Variants in DCC observed in about 807,000 individuals in gnomAD.
The protein encoded by DCC is netrin receptor DCC.
Under a neutral mutation model 172.5 loss-of-function variants are expected in DCC, and 58 were observed. The observed-to-expected ratio is 0.34, with a 90% CI of 0.27 to 0.42. The LOEUF is 0.42. Ranked by LOEUF, DCC falls within the 10% of genes least tolerant of loss-of-function variation. The pLI, the probability that DCC is intolerant of heterozygous loss-of-function variation, is 1.00. For synonymous variants in DCC, 709 were observed against 644.5 expected, an observed-to-expected ratio of 1.10 and a Z score of -1.52; for missense variants, 1,740 against 1,791.0, an observed-to-expected ratio of 0.97 and a Z score of 0.51.
chr18:52,743,750 A>G (rs2036862621), intron 1 of DCC, among the ~76,000 whole-genome samples: 2 of 152,192 alleles, frequency 1.3e-5, no homozygotes, highest in Non-Finnish European at 2.9e-5. Flanking sequence ...TGGGCTCACT[A>G]AGAGATTTCA....
intron 1 of DCC, among the ~76,000 whole-genome samples, chr18:52,709,857 G>C (rs1429909222): frequency 6.6e-6 from 1 of 152,180 alleles, no homozygotes; most frequent in African/African-American, 2.4e-5. Context: ...TATTTTCAAT[G>C]CAGTGAATAA....
At position 52,409,275 on chromosome 18, in the gene DCC, T is replaced by C. The variant is rs555474312; in HGVS notation, c.91+68397T>C. On this transcript the variant is annotated intron_variant, in intron 1 of 28. Coordinates refer to ENST00000442544, the MANE Select transcript of DCC (RefSeq NM_005215.4). Reference sequence around the variant, plus strand: ...TGTATGTGGTTGTAGGTAAGGATGCTATCCAAAGGCAACTGATTCTGTTGT... The same window carrying C: ...TGTATGTGGTTGTAGGTAAGGATGCCATCCAAAGGCAACTGATTCTGTTGT... The C allele has an allele frequency of 3.9e-5, 6 of 152,234 alleles. No homozygotes were observed. The South Asian group carries it at 8.3e-4, about 21-fold the overall frequency. The allele number at this position is 152,234 out of a possible 1,614,324, so 9.4% of individuals were successfully genotyped here. A position where few individuals can be genotyped will look rare whatever the true frequency, so the allele number is the denominator to read the frequency against.
intron 12 of DCC, among the ~76,000 whole-genome samples, chr18:53,278,106 AAGT>A (rs1415298840): frequency 6.6e-6 from 1 of 152,190 alleles, no homozygotes; most frequent in African/African-American, 2.4e-5. Flanking sequence ...ATGACTAGAC[AAGT>A]AGTGTATATA....
At chr18:52,925,520 A>G in intron 5 of DCC, 150 bp downstream of exon 5, 1 of 794,702 alleles carries the variant, frequency 1.3e-6, no homozygotes, top group Non-Finnish European at 2.2e-6. Context: ...CTTTGCTCTG[A>G]TTAATTGCAT....
chr18:53,440,280 G>C (rs1367905405), intron 22 of DCC, among the ~76,000 whole-genome samples: 1 of 152,112 alleles, frequency 6.6e-6, no homozygotes, highest in African/African-American at 2.4e-5. Flanking sequence ...TGTAAAATCA[G>C]TGTAACAAGT....
At chr18:53,487,255 C>T (rs1420161907) in intron 26 of DCC, among the ~76,000 whole-genome samples, 1 of 152,138 alleles carries the variant, frequency 6.6e-6, no homozygotes, top group African/African-American at 2.4e-5. Flanking sequence ...ATTAATATGT[C>T]CTATTAAATA....
chr18:52,542,599 G>T (rs930454691), intron 1 of DCC, among the ~76,000 whole-genome samples: 1 of 152,172 alleles, frequency 6.6e-6, no homozygotes, highest in Admixed American at 6.5e-5. Context: ...ACTTTGGAAG[G>T]CCGAGGTGGG....
intron 5 of DCC, among the ~76,000 whole-genome samples, chr18:52,951,200 C>G (rs1237740270): frequency 1.3e-5 from 2 of 152,078 alleles, no homozygotes; most frequent in Non-Finnish European, 2.9e-5. Context: ...ATGAGAATCT[C>G]TATTTTCAGA....
At chr18:52,947,248 AAACT>A (rs1387704863) in intron 5 of DCC, among the ~76,000 whole-genome samples, 1 of 152,216 alleles carries the variant, frequency 6.6e-6, no homozygotes, top group Non-Finnish European at 1.5e-5. Context: ...TAATTTGTAA[AAACT>A]AAATTATGTA....
chr18:53,169,989 G>A (rs1223562572), intron 8 of DCC, among the ~76,000 whole-genome samples: 1 of 152,136 alleles, frequency 6.6e-6, no homozygotes, highest in Non-Finnish European at 1.5e-5. Context: ...TTAGTTGTTG[G>A]GAAATGGTTT....
chr18:52,911,027 C>T (rs938498541), intron 3 of DCC, among the ~76,000 whole-genome samples: 1 of 152,054 alleles, frequency 6.6e-6, no homozygotes, highest in African/African-American at 2.4e-5. Context: ...ACTTATTACT[C>T]AATGGCACAT....
intron 1 of DCC, among the ~76,000 whole-genome samples, chr18:52,551,765 C>CACACAT (rs1332786702): frequency 2.8e-5 from 4 of 140,560 alleles, no homozygotes; most frequent in Non-Finnish European, 6.4e-5. Flanking sequence ...CACACACACA[C>CACACAT]ACACTTTGCA....
In DCC at chr18:53,441,714, C is replaced by T. The variant is rs528360601; in HGVS notation, c.3229+6505C>T. ...CTGTCTCAGGTCAAGCTATCATCAT[C>T]TCTCATTTGGAGAACTTCAATAACC... On this transcript the variant is annotated intron_variant, in intron 22 of 28. Transcript: ENST00000442544. Among the ~76,000 whole-genome samples, 23 of 152,340 alleles carry T rather than the reference C, an allele frequency of 1.5e-4. No homozygotes were observed. The South Asian group carries it at 4.4e-3, about 29-fold the overall frequency.
intron 25 of DCC, among the ~76,000 whole-genome samples, chr18:53,470,701 T>G (rs1016227453): frequency 6.6e-6 from 1 of 152,058 alleles, no homozygotes; most frequent in Non-Finnish European, 1.5e-5. Flanking sequence ...AGCAAGTACC[T>G]TCTTCACAAG....
intron 1 of DCC, among the ~76,000 whole-genome samples, chr18:52,518,356 A>G (rs937444236): frequency 1.3e-5 from 2 of 152,208 alleles, no homozygotes; most frequent in Non-Finnish European, 2.9e-5. Flanking sequence ...TGGACCTTGC[A>G]AGTTGCAATA....
At chr18:53,327,567 G>A (rs1012450213) in intron 14 of DCC, among the ~76,000 whole-genome samples, 9 of 152,176 alleles carry the variant, frequency 5.9e-5, no homozygotes, top group Non-Finnish European at 1.3e-4. Context: ...AAAGTCGGCA[G>A]TGCAGACTTA....
intron 14 of DCC, among the ~76,000 whole-genome samples, chr18:53,335,166 G>T (rs2195722): frequency 0.34 from 52,116 of 151,936 alleles, 10,010 homozygotes; most frequent in East Asian, 0.58. Context: ...TACAGCATTT[G>T]CAGTAGTTGT....
intron 7 of DCC, among the ~76,000 whole-genome samples, chr18:53,075,885 A>G (rs1417730434): frequency 6.6e-6 from 1 of 151,994 alleles, no homozygotes; most frequent in Non-Finnish European, 1.5e-5. Flanking sequence ...AATTGGTACT[A>G]TTTCCCTCCT....
chr18:52,903,248 C>T (rs892573549), intron 2 of DCC, among the ~76,000 whole-genome samples: 5 of 152,158 alleles, frequency 3.3e-5, no homozygotes, highest in African/African-American at 1.2e-4. Flanking sequence ...CTCTCTTGCC[C>T]AGGCTACAGT....
Sources: allele counts gnomAD v4.1 joint callset (sites outside exome capture counted in the v4.1 genomes callset), GRCh38; gene constraint gnomAD v4.1.1; transcripts MANE v1.5; gene names NCBI Gene and HGNC (gene_info 2026-07-23, HGNC 2026-07-21).